Variants in CHL1 observed in about 807,000 individuals in gnomAD.
CHL1 encodes cell adhesion molecule L1 like.
A neutral mutation model predicts 141.9 loss-of-function variants in CHL1; 96 were observed. The ratio of observed to expected loss-of-function variants is 0.68; its 90% CI spans 0.57 to 0.80. The LOEUF (loss-of-function observed/expected upper bound fraction) is 0.80. Among genes scored for constraint, CHL1 ranks in the 30% least tolerant of loss-of-function variants. The pLI is 0.00. For missense variants in CHL1, 1,820 were observed against 1,457.2 expected (o/e 1.25, Z -4.05); for synonymous variants, 613 against 502.2 (o/e 1.22, Z -2.95).
At position 314,323 on chromosome 3, in the gene CHL1, CTATGTGTATATA is replaced by C. The variant is rs1230363080; in HGVS notation, c.-94-5356_-94-5345del. ...ACTCTCTCTCTTTCTCTCTCTCTCTCTATGTGTATATATATATATATATATATATATATATAT... is the reference window on the plus strand; with the variant it reads ...ACTCTCTCTCTTTCTCTCTCTCTCTCTATATATATATATATATATATATAT... On this transcript the variant is annotated intron_variant, in intron 2 of 27. Coordinates refer to ENST00000256509, the MANE Select transcript of CHL1 (RefSeq NM_006614.4). 7.6e-4 allele frequency among the ~76,000 whole-genome samples: 46 copies of C among 60,160 alleles called. 2 individuals are homozygous for C. Among genetic ancestry groups the C allele is most frequent in the African/African-American group, 2.0e-3 (31 of 15,304 alleles). The allele number at this position is 60,160 out of a possible 152,430, so 39.5% of individuals were successfully genotyped here. A position where few individuals can be genotyped will look rare whatever the true frequency, so the allele number is the denominator to read the frequency against.
chr3:360,725 T>A (rs560915846), intron 12 of CHL1, among the ~76,000 whole-genome samples: 1 of 141,332 alleles, frequency 7.1e-6, no homozygotes, highest in South Asian at 2.3e-4. Context: ...TATCTCCCGA[T>A]GCTATCCCGC....
At chr3:257,391 T>G (rs1188344613) in intron 2 of CHL1, among the ~76,000 whole-genome samples, 1 of 150,692 alleles carries the variant, frequency 6.6e-6, no homozygotes, top group Non-Finnish European at 1.5e-5. Flanking sequence ...TCTCTCTCTG[T>G]AGTCCAGGCT....
At chr3:373,024 G>C (rs915965241) in intron 15 of CHL1, among the ~76,000 whole-genome samples, 1 of 152,196 alleles carries the variant, frequency 6.6e-6, no homozygotes, top group African/African-American at 2.4e-5. Context: ...CCTGTTGGCA[G>C]TAGGATCACT....
At chr3:237,930 G>A (rs540683160) in intron 1 of CHL1, among the ~76,000 whole-genome samples, 1 of 152,132 alleles carries the variant, frequency 6.6e-6, no homozygotes, top group African/African-American at 2.4e-5. Flanking sequence ...CTTAGAAAAA[G>A]TTGAACATCT....
At chr3:218,372 A>C (rs983750274) in intron 1 of CHL1, among the ~76,000 whole-genome samples, 1 of 152,244 alleles carries the variant, frequency 6.6e-6, no homozygotes, top group African/African-American at 2.4e-5. Context: ...GTTGATTAAA[A>C]TGGCATGATA....
chr3:302,745 T>C (rs767706489), intron 2 of CHL1, among the ~76,000 whole-genome samples: 1 of 152,224 alleles, frequency 6.6e-6, no homozygotes, highest in Non-Finnish European at 1.5e-5. Flanking sequence ...CTCTTTAGTT[T>C]AATTAGATCC....
chr3:338,623 A>G (rs1180327114), intron 5 of CHL1, among the ~76,000 whole-genome samples: 2 of 152,216 alleles, frequency 1.3e-5, no homozygotes, highest in Non-Finnish European at 2.9e-5. Flanking sequence ...TGCCATTTAT[A>G]TATCTTCTAA....
intron 1 of CHL1, among the ~76,000 whole-genome samples, chr3:201,416 A>G (rs977693963): frequency 5.3e-5 from 8 of 152,202 alleles, no homozygotes; most frequent in African/African-American, 1.4e-4. Flanking sequence ...TGAAATGTTG[A>G]CTTCACTTTC....
At chr3:202,942 C>T (rs1699085751) in intron 1 of CHL1, among the ~76,000 whole-genome samples, 1 of 152,148 alleles carries the variant, frequency 6.6e-6, no homozygotes, top group Non-Finnish European at 1.5e-5. Context: ...AGTGATTTGA[C>T]TAGATTCATA....
intron 2 of CHL1, among the ~76,000 whole-genome samples, chr3:259,224 A>G (rs1204447116): frequency 2.0e-5 from 3 of 152,074 alleles, no homozygotes; most frequent in African/African-American, 7.2e-5. Flanking sequence ...CCTGGCCTGC[A>G]AATGTCTTTC....
chr3:263,668 C>T (rs1694921889), intron 2 of CHL1, among the ~76,000 whole-genome samples: 2 of 152,270 alleles, frequency 1.3e-5, no homozygotes, highest in South Asian at 4.1e-4. Context: ...TGACTTTTCC[C>T]AAAGACATGA....
At position 394,733 on chromosome 3, in the gene CHL1, C is replaced by T. The variant is rs547229734; in HGVS notation, c.2955C>T (p.Asn985=). 7 of 1,613,378 alleles carry T rather than the reference C, an allele frequency of 4.3e-6. No individual in the cohort carries two copies. In the South Asian group the frequency reaches 4.4e-5, roughly 10 times the overall value. The change falls in exon 24 of 28, where the codon AAC becomes AAT. Residue 985 remains asparagine, a synonymous_variant. Coordinates refer to ENST00000256509, the MANE Select transcript of CHL1 (RefSeq NM_006614.4). Reference sequence around the variant, plus strand: ...AGATTGGAGAATTAAATGATATTAACATTACAACTCCATCAAAGCCCAGCT... The same window carrying T: ...AGATTGGAGAATTAAATGATATTAATATTACAACTCCATCAAAGCCCAGCT... ...TYEIGELNDI[N]ITTPSKPSWH... is the part of the protein sequence containing the mutation.
At chr3:302,761 G>T (rs1309656289) in intron 2 of CHL1, among the ~76,000 whole-genome samples, 2 of 152,152 alleles carry the variant, frequency 1.3e-5, no homozygotes, top group Non-Finnish European at 2.9e-5. Context: ...GATCCCATTT[G>T]TCAGTGTTGG....
intron 2 of CHL1, among the ~76,000 whole-genome samples, chr3:306,748 A>T (rs1699261904): frequency 2.0e-5 from 3 of 152,172 alleles, no homozygotes; most frequent in African/African-American, 7.2e-5. Context: ...TAAAAAAATC[A>T]AAGGTGAGAT....
At chr3:247,707 C>G (rs189278628) in intron 2 of CHL1, 1 of 152,052 alleles carries the variant, frequency 6.6e-6, no homozygotes, top group Non-Finnish European at 1.5e-5. Context: ...CCTTAACTAT[C>G]AGGTTTCTGA....
chr3:277,826 C>G (rs1349389952), intron 2 of CHL1, among the ~76,000 whole-genome samples: 1 of 152,224 alleles, frequency 6.6e-6, no homozygotes, highest in Non-Finnish European at 1.5e-5. Flanking sequence ...TAGCCAGTGA[C>G]ACATTCCTTT....
intron 2 of CHL1, among the ~76,000 whole-genome samples, chr3:283,715 T>C (rs1047937286): frequency 2.0e-5 from 3 of 152,300 alleles, no homozygotes; most frequent in African/African-American, 4.8e-5. Context: ...GGTACATACA[T>C]TGGATGTTTA....
intron 1 of CHL1, among the ~76,000 whole-genome samples, chr3:207,376 A>C (rs533336663): frequency 6.6e-6 from 1 of 152,346 alleles, no homozygotes; most frequent in South Asian, 2.1e-4. Flanking sequence ...CTTCTCTGGA[A>C]TACACAGCTT....
At chr3:391,640 TG>T (rs1559351576) in intron 22 of CHL1, 34 bp from the exon 23 acceptor site, 2 of 1,515,486 alleles carry the variant, frequency 1.3e-6, no homozygotes, top group African/African-American at 1.4e-5. Flanking sequence ...TTTTTCTAAT[TG>T]ATGTGAGTTT....
Sources: allele counts gnomAD v4.1 joint callset (sites outside exome capture counted in the v4.1 genomes callset), GRCh38; gene constraint gnomAD v4.1.1; transcripts MANE v1.5; gene names NCBI Gene and HGNC (gene_info 2026-07-23, HGNC 2026-07-21).